The following GRAMD1B variants were observed in gnomAD, a reference collection of about 807,000 sequenced individuals.
The protein encoded by GRAMD1B is protein Aster-B.
GRAMD1B carries 37 observed loss-of-function variants against 99.7 expected under a neutral mutation model. That is an observed-to-expected ratio of 0.37 (90% CI 0.29 to 0.49). GRAMD1B has a LOEUF of 0.49. Among genes scored for constraint, GRAMD1B ranks in the 20% least tolerant of loss-of-function variants. GRAMD1B has a pLI of 0.98. For synonymous variants in GRAMD1B, 427 were observed against 387.6 expected, an observed-to-expected ratio of 1.10 and a Z score of -1.19; for missense variants, 888 against 1,009.2, an observed-to-expected ratio of 0.88 and a Z score of 1.63.
chr11:123,365,314 C>T (rs899788157), intron 1 of GRAMD1B, among the ~76,000 whole-genome samples: 2 of 151,788 alleles, frequency 1.3e-5, no homozygotes, highest in African/African-American at 4.8e-5. Context: ...TGCAGTGGCG[C>T]AATCTCAGCT....
rs377497250 is a variant in GRAMD1B, at chr11:123,392,187, G to C, written c.-176+33388G>C. 2.6e-5 allele frequency among the ~76,000 whole-genome samples: 4 copies of C among 152,188 alleles called. No homozygotes were observed. The East Asian group carries it at 5.9e-4, about 22-fold the overall frequency. ...GAAGCCCATGTGACTGGGTCAGAAT[G>C]AGTAAGTTAGAAAGGGTAGAAGAGG... On this transcript the variant is annotated intron_variant, in intron 1 of 20. Coordinates refer to the GRAMD1B transcript ENST00000638157.
intron 2 of GRAMD1B, among the ~76,000 whole-genome samples, chr11:123,507,449 T>A (rs1940548044): frequency 6.6e-6 from 1 of 152,202 alleles, no homozygotes; most frequent in Non-Finnish European, 1.5e-5. Flanking sequence ...CCTCAACCTT[T>A]TTTATTAGTG....
chr11:123,563,506 CTTTTTTTT>C lies in GRAMD1B; in HGVS notation c.453-13854_453-13847del, dbSNP rs796897213. Reference sequence around the variant, plus strand: ...AGTGCAATATAACAGAGGGTTTTTTCTTTTTTTTTTTTTTCTTTTTTTTGAGGCAAGGC... The same window carrying C: ...AGTGCAATATAACAGAGGGTTTTTTCTTTTTTCTTTTTTTTGAGGCAAGGC... On this transcript the variant is annotated intron_variant, in intron 2 of 19. Transcript: ENST00000635736. Among the ~76,000 whole-genome samples, 13 of 140,976 alleles carry C rather than the reference CTTTTTTTT, an allele frequency of 9.2e-5. No homozygotes were observed. In the Admixed American group the frequency reaches 9.2e-4, roughly 10 times the overall value. The allele number at this position is 140,976 out of a possible 152,430, so 92.5% of individuals were successfully genotyped here.
In GRAMD1B at chr11:123,430,913, C is replaced by T. The variant is rs1948850018; in HGVS notation, c.121C>T (p.Arg41Trp). 1.4e-6 allele frequency: 1 copy of T among 702,740 alleles called. No individual in the cohort carries two copies. Among genetic ancestry groups the T allele is most frequent in the Non-Finnish European group, 2.6e-6 (1 of 384,860 alleles). The allele number at this position is 702,740 out of a possible 1,614,324, so 43.5% of individuals were successfully genotyped here. A position where few individuals can be genotyped will look rare whatever the true frequency, so the allele number is the denominator to read the frequency against. The change falls in exon 1 of 20, where the codon CGG (arginine) becomes TGG (tryptophan). Residue 41 changes from arginine to tryptophan, a missense_variant. Physicochemically the swap from Arg to Trp is moderately radical, Grantham distance 101. Transcript: ENST00000635736. ...SSSSTPTLRR[R>W]RFKMRRMKNV... The stretch of plus-strand genomic sequence containing the variant: ...TTCGTCGACCCCCACGCTTCGCCGC[C>T]GGCGCTTCAAGATGCGCCGCATGAA...
At chr11:123,484,827 A>G (rs1951799939) in intron 2 of GRAMD1B, among the ~76,000 whole-genome samples, 1 of 152,146 alleles carries the variant, frequency 6.6e-6, no homozygotes, top group African/African-American at 2.4e-5. Context: ...CTCAGCTCAG[A>G]ACTAACTTAC....
At chr11:123,603,056 C>T (rs944808042) in intron 8 of GRAMD1B, among the ~76,000 whole-genome samples, 1 of 152,190 alleles carries the variant, frequency 6.6e-6, no homozygotes, top group Non-Finnish European at 1.5e-5. Context: ...TAATCAGAAG[C>T]TCTGGGATCC....
At position 123,492,423 on chromosome 11, in the gene GRAMD1B, A is replaced by T. The variant is rs1459175972; in HGVS notation, c.452+11530A>T. ...TCATTTCTATATCACCTCGTCGGGCACTTTGGTCTGACTCCAGAATTATTT... is the reference window on the plus strand; with the variant it reads ...TCATTTCTATATCACCTCGTCGGGCTCTTTGGTCTGACTCCAGAATTATTT... On this transcript the variant is annotated intron_variant, in intron 2 of 19. Transcript: ENST00000635736. The surrounding 1 kb of genome is among the most constrained non-coding windows in gnomAD (Gnocchi z 4.2). Among the ~76,000 whole-genome samples, 1 of 152,076 alleles carries T rather than the reference A, an allele frequency of 6.6e-6. No individual in the cohort carries two copies. The highest frequency in any genetic ancestry group is 1.5e-5 in the Non-Finnish European group (1 of 68,028).
chr11:123,532,841 C>G (rs1943540028), intron 2 of GRAMD1B, among the ~76,000 whole-genome samples: 1 of 152,218 alleles, frequency 6.6e-6, no homozygotes, highest in Non-Finnish European at 1.5e-5. Flanking sequence ...GTTCATGCTA[C>G]AACAGCAGAA....
At chr11:123,569,933 C>T (rs1056001542) in intron 2 of GRAMD1B, among the ~76,000 whole-genome samples, 5 of 152,214 alleles carry the variant, frequency 3.3e-5, no homozygotes, top group South Asian at 2.1e-4. Context: ...GATGTCCCAT[C>T]GGGTTCTGCC....
intron 2 of GRAMD1B, chr11:123,491,765 G>A (rs1938581574): frequency 2.5e-6 from 1 of 397,838 alleles, no homozygotes; most frequent in Non-Finnish European, 4.4e-6. Flanking sequence ...TAGCTGCAAG[G>A]GCAGCAAGTC....
chr11:123,362,652 A>G (rs1440512133), intron 1 of GRAMD1B, among the ~76,000 whole-genome samples: 1 of 152,208 alleles, frequency 6.6e-6, no homozygotes, highest in African/African-American at 2.4e-5. Flanking sequence ...ATTAATCTAG[A>G]TGAGGAAGTA....
chr11:123,625,982 T>A lies in GRAMD1B; in HGVS notation c.*3387T>A, dbSNP rs372714051. ...AGAGAGAGAGAGAGAGAGAGAGAGA[T>A]CGAGCTTGATGTATTGCTCAGTATT... On this transcript the variant is annotated 3_prime_UTR_variant, in exon 20 of 20. Transcript: ENST00000635736. The A allele has an allele frequency of 1.5e-5, 1 of 67,262 alleles. No individual in the cohort carries two copies. Among genetic ancestry groups the A allele is most frequent in the African/African-American group, 5.8e-5 (1 of 17,256 alleles). 4.2% of individuals were successfully genotyped at this position (67,262 alleles called of 1,614,324 possible).
intron 1 of GRAMD1B, among the ~76,000 whole-genome samples, chr11:123,411,873 T>G (rs1257801597): frequency 6.6e-6 from 1 of 152,170 alleles, no homozygotes; most frequent in Non-Finnish European, 1.5e-5. Context: ...GGTCTTGAAC[T>G]CCTGGGCTCA....
chr11:123,535,210 C>A lies in GRAMD1B; in HGVS notation c.453-42157C>A, dbSNP rs375819321. 4.0e-5 allele frequency among the ~76,000 whole-genome samples: 6 copies of A among 150,352 alleles called. No homozygotes were observed. In the East Asian group the frequency reaches 7.8e-4, roughly 20 times the overall value. On this transcript the variant is annotated intron_variant, in intron 2 of 19. Coordinates refer to ENST00000635736, the MANE Select transcript of GRAMD1B (RefSeq NM_001387025.1). ...AGTGTGGGAAGAGCTTTAGAAATTA[C>A]AATCATGATGCTTCTGTGAGCTTTC...
chr11:123,360,374 A>G (rs555554858), intron 1 of GRAMD1B, among the ~76,000 whole-genome samples: 122 of 152,226 alleles, frequency 8.0e-4, no homozygotes, highest in African/African-American at 2.7e-3. Flanking sequence ...CGAGGTTTCT[A>G]GTGTTTGCCC....
intron 2 of GRAMD1B, among the ~76,000 whole-genome samples, chr11:123,504,827 G>A (rs552914769): frequency 2.0e-5 from 3 of 152,150 alleles, no homozygotes; most frequent in East Asian, 1.9e-4. Context: ...AATCACAGGC[G>A]TGCACCACCA....
chr11:123,621,955 T>C (rs1460194120), intron 19 of GRAMD1B, among the ~76,000 whole-genome samples: 1 of 137,584 alleles, frequency 7.3e-6, no homozygotes, highest in Non-Finnish European at 1.6e-5. Flanking sequence ...TTTCTTTCTT[T>C]CTTCTTTCTT....
intron 1 of GRAMD1B, among the ~76,000 whole-genome samples, chr11:123,447,473 C>T (rs2134327095): frequency 6.6e-6 from 1 of 152,288 alleles, no homozygotes; most frequent in South Asian, 2.1e-4. Context: ...TCATGACGCT[C>T]AGGCTGGGCC....
At chr11:123,543,432 A>T (rs1451168561) in intron 2 of GRAMD1B, among the ~76,000 whole-genome samples, 1 of 152,236 alleles carries the variant, frequency 6.6e-6, no homozygotes, top group Non-Finnish European at 1.5e-5. Flanking sequence ...TATGAAGGAC[A>T]TTGGTGTGGA....
Sources: gnomAD v4.1 joint callset for allele counts (sites outside exome capture counted in the v4.1 genomes callset) on GRCh38, gnomAD v4.1.1 for gene constraint, Gnocchi (gnomAD v3.1) non-coding constraint, MANE v1.5 for transcripts, NCBI Gene and HGNC (gene_info 2026-07-23, HGNC 2026-07-21) for gene names.